The following KIAA1549L variants were observed in gnomAD, a reference collection of about 807,000 sequenced individuals.
The protein encoded by KIAA1549L is KIAA1549 like, also known as UPF0606 protein KIAA1549L.
Under a neutral mutation model 160.7 loss-of-function variants are expected in KIAA1549L, and 88 were observed. The observed-to-expected ratio is 0.55, with a 90% CI of 0.46 to 0.65. The LOEUF (loss-of-function observed/expected upper bound fraction) is 0.65. KIAA1549L is among the 30% of genes least tolerant of loss of function. KIAA1549L has a pLI of 0.00. For missense variants in KIAA1549L, 2,258 were observed against 2,437.5 expected, an observed-to-expected ratio of 0.93 and a Z score of 1.55; for synonymous variants, 950 against 976.7, an observed-to-expected ratio of 0.97 and a Z score of 0.51.
At chr11:33,536,063 G>GGGTT (rs1853886628) in intron 1 of KIAA1549L, among the ~76,000 whole-genome samples, 1 of 152,156 alleles carries the variant, frequency 6.6e-6, no homozygotes. Flanking sequence ...TTGAAGTGAA[G>GGGTT]GGTTCTTAAC....
chr11:33,652,409 C>T lies in KIAA1549L; in HGVS notation c.5761-3603C>T, dbSNP rs530367347. Among the ~76,000 whole-genome samples the T allele has an allele frequency of 4.6e-5, 7 of 152,238 alleles. No homozygotes were observed. The East Asian group carries it at 1.4e-3, about 29-fold the overall frequency. On this transcript the variant is annotated intron_variant, in intron 17 of 20. Transcript: ENST00000658780. Reference sequence around the variant, plus strand: ...TGTCCTGGGGCCCCGAGGATACAGCCCAAAAGGGTCTGCCTGATCTCCTGT... The same window carrying T: ...TGTCCTGGGGCCCCGAGGATACAGCTCAAAAGGGTCTGCCTGATCTCCTGT...
At chr11:33,451,221 C>T (rs192781538) in intron 1 of KIAA1549L, among the ~76,000 whole-genome samples, 7 of 152,286 alleles carry the variant, frequency 4.6e-5, no homozygotes, top group African/African-American at 1.7e-4. Flanking sequence ...CTATGTGCAA[C>T]GCTGAGGATT....
chr11:33,517,433 T>C (rs1853372736), intron 1 of KIAA1549L, among the ~76,000 whole-genome samples: 1 of 152,138 alleles, frequency 6.6e-6, no homozygotes, highest in African/African-American at 2.4e-5. Flanking sequence ...GTAATATCCA[T>C]ATCCTGAGTG....
chr11:33,631,381 C>T (rs578018949), intron 16 of KIAA1549L, among the ~76,000 whole-genome samples: 7 of 152,296 alleles, frequency 4.6e-5, no homozygotes, highest in Admixed American at 4.6e-4. Context: ...TGCATCACTC[C>T]GCCTGGAATC....
chr11:33,414,658 A>C (rs1188106506), intron 1 of KIAA1549L, among the ~76,000 whole-genome samples: 2 of 152,262 alleles, frequency 1.3e-5, no homozygotes, highest in South Asian at 4.1e-4. Flanking sequence ...GGGTATTGGT[A>C]TTAAAAAGCA....
At chr11:33,406,251 G>A (rs1201336524) in intron 1 of KIAA1549L, among the ~76,000 whole-genome samples, 1 of 152,146 alleles carries the variant, frequency 6.6e-6, no homozygotes, top group African/African-American at 2.4e-5. Context: ...AGAATCCCAC[G>A]GCCCCAACAC....
At chr11:33,520,164 C>T (rs76979827) in intron 1 of KIAA1549L, among the ~76,000 whole-genome samples, 4 of 151,998 alleles carry the variant, frequency 2.6e-5, no homozygotes, top group African/African-American at 4.8e-5. Flanking sequence ...AAAGATCTAG[C>T]GAATTTTTAA....
At chr11:33,589,397 C>T (rs915444198) in intron 11 of KIAA1549L, among the ~76,000 whole-genome samples, 4 of 152,176 alleles carry the variant, frequency 2.6e-5, no homozygotes, top group African/African-American at 9.7e-5. Context: ...TTGACCCAGC[C>T]ATCCCCATTA....
Position 33,559,640 on chromosome 11 carries a change from C to CA in KIAA1549L, c.3856-108dup, listed in dbSNP as rs1432230070. The CA allele has an allele frequency of 3.7e-6, 3 of 818,034 alleles. No homozygotes were observed. In the South Asian group the frequency reaches 4.8e-5, roughly 13 times the overall value. 50.7% of individuals were successfully genotyped at this position (818,034 alleles called of 1,614,324 possible). A position where few individuals can be genotyped will look rare whatever the true frequency, so the allele number is the denominator to read the frequency against. On this transcript the variant is annotated intron_variant, in intron 6 of 20. Coordinates refer to ENST00000658780, the MANE Select transcript of KIAA1549L (RefSeq NM_012194.3). ...CCTTGCTGTTTCCCTGACCCCCTTTCATTCCTTCCCTCAACTCCTGCTTAG... is the reference window on the plus strand; with the variant it reads ...CCTTGCTGTTTCCCTGACCCCCTTTCAATTCCTTCCCTCAACTCCTGCTTAG...
chr11:33,574,287 G>T (rs1462281555), intron 9 of KIAA1549L, among the ~76,000 whole-genome samples: 1 of 151,038 alleles, frequency 6.6e-6, no homozygotes, highest in Non-Finnish European at 1.5e-5. Flanking sequence ...GAGATCTTTT[G>T]AATTGCAGAC....
intron 1 of KIAA1549L, among the ~76,000 whole-genome samples, chr11:33,447,167 A>G (rs34108849): frequency 0.16 from 24,488 of 152,184 alleles, 2,564 homozygotes; most frequent in East Asian, 0.33. Context: ...GAGAGTGTTC[A>G]GGGCAGAAGG....
At chr11:33,564,568 T>C (rs140126635) in intron 8 of KIAA1549L, among the ~76,000 whole-genome samples, 8 of 152,376 alleles carry the variant, frequency 5.3e-5, no homozygotes, top group African/African-American at 1.9e-4. Flanking sequence ...AGTTTGTATA[T>C]GTGAGGCAAG....
chr11:33,452,639 T>C (rs1412952956), intron 1 of KIAA1549L, among the ~76,000 whole-genome samples: 1 of 150,388 alleles, frequency 6.6e-6, no homozygotes, highest in Non-Finnish European at 1.5e-5. Flanking sequence ...TGTATGTATG[T>C]ATGGGCAGAA....
intron 1 of KIAA1549L, among the ~76,000 whole-genome samples, chr11:33,422,626 T>C (rs982765787): frequency 1.3e-5 from 2 of 149,548 alleles, no homozygotes; most frequent in South Asian, 2.2e-4. Context: ...TTAGAGATTG[T>C]GTTTTTTCTT....
intron 15 of KIAA1549L, among the ~76,000 whole-genome samples, chr11:33,617,375 T>C (rs1850840523): frequency 6.6e-6 from 1 of 152,198 alleles, no homozygotes; most frequent in South Asian, 2.1e-4. Flanking sequence ...TACTTCCCAC[T>C]CTTTGAAAAG....
chr11:33,563,909 CT>C (rs767468352), intron 8 of KIAA1549L, among the ~76,000 whole-genome samples: 6 of 152,306 alleles, frequency 3.9e-5, no homozygotes, highest in Non-Finnish European at 8.8e-5. Context: ...CTTGTGTCAT[CT>C]TTTCTTCATC....
rs2133470466 is a variant in KIAA1549L, at chr11:33,669,389, C to T, written c.*1235C>T. 1 of 152,310 alleles carries T rather than the reference C, an allele frequency of 6.6e-6. No homozygotes were observed. Among genetic ancestry groups the T allele is most frequent in the East Asian group, 1.9e-4 (1 of 5,184 alleles). 9.4% of individuals were successfully genotyped at this position (152,310 alleles called of 1,614,324 possible). On this transcript the variant is annotated 3_prime_UTR_variant, in exon 21 of 21. Transcript: ENST00000658780. The stretch of plus-strand genomic sequence containing the variant: ...CAGAGCTGTGGGTAGAGGACATCGC[C>T]TCACGGCACTGAGGCACCAGCCGCT...
chr11:33,658,906 A>G lies in KIAA1549L; in HGVS notation c.6007+8A>G. The G allele has an allele frequency of 5.2e-6, 8 of 1,543,772 alleles. No homozygotes were observed. The highest frequency in any genetic ancestry group is 7.0e-6 in the Non-Finnish European group (8 of 1,142,794). ...CGGCTTTAAATTACTCAGGTGGGCA[A>G]GAGAAAAGCCCGAGTGTGCCCCCCA... On this transcript the variant is annotated splice_region_variant and intron_variant, in intron 19 of 20. Transcript: ENST00000658780.
At chr11:33,510,636 T>C (rs570601813) in intron 1 of KIAA1549L, among the ~76,000 whole-genome samples, 1 of 152,324 alleles carries the variant, frequency 6.6e-6, no homozygotes, top group African/African-American at 2.4e-5. Flanking sequence ...AGCAAAGGCA[T>C]AGTGATGCTG....
Sources: gnomAD v4.1 joint callset for allele counts (sites outside exome capture counted in the v4.1 genomes callset) on GRCh38, gnomAD v4.1.1 for gene constraint, MANE v1.5 for transcripts, NCBI Gene and HGNC (gene_info 2026-07-23, HGNC 2026-07-21) for gene names.